DPP8: variants seen among roughly 807,000 people sequenced by gnomAD.
DPP8 encodes the protein DPP VIII.
DPP8 carries 31 observed loss-of-function variants against 107.5 expected under a neutral mutation model. The ratio of observed to expected loss-of-function variants is 0.29; its 90% CI spans 0.22 to 0.39. The LOEUF (loss-of-function observed/expected upper bound fraction) is 0.39. Among genes scored for constraint, DPP8 ranks in the 10% least tolerant of loss-of-function variants. The pLI is 1.00. For missense variants in DPP8, 842 were observed against 1,076.1 expected (o/e 0.78, Z 3.04); for synonymous variants, 381 against 356.6 (o/e 1.07, Z -0.77).
intron 5 of DPP8, among the ~76,000 whole-genome samples, chr15:65,495,524 A>C (rs2068494256): frequency 6.6e-6 from 1 of 152,084 alleles, no homozygotes; most frequent in Non-Finnish European, 1.5e-5. Flanking sequence ...GAATCACTTG[A>C]ACGCAGGAGG....
chr15:65,465,036 C>T (rs1015627927), intron 14 of DPP8, among the ~76,000 whole-genome samples: 7 of 152,118 alleles, frequency 4.6e-5, no homozygotes, highest in Non-Finnish European at 8.8e-5. Context: ...ATACAGACCT[C>T]TCCTAAGTGT....
chr15:65,452,248 A>G, intron 17 of DPP8, 146 bp from the exon 18 acceptor site: 1 of 852,210 alleles, frequency 1.2e-6, no homozygotes, highest in Non-Finnish European at 1.7e-6. Context: ...GGCAACTCAG[A>G]ATACGAAGTG....
Position 65,479,829 on chromosome 15 carries a change from C to T in DPP8, c.1296+393G>A, listed in dbSNP as rs188680358. 2.4e-4 allele frequency among the ~76,000 whole-genome samples: 28 copies of T among 117,512 alleles called. No individual in the cohort carries two copies. The East Asian group carries it at 2.8e-3, about 12-fold the overall frequency. The allele number at this position is 117,512 out of a possible 152,430, so 77.1% of individuals were successfully genotyped here. A position where few individuals can be genotyped will look rare whatever the true frequency, so the allele number is the denominator to read the frequency against. ...ACTGCAGTCCACAGTCTGGCCTGGG[C>T]GACAGAGCGAGACTCCGTCTCAAAA... On this transcript the variant is annotated intron_variant, in intron 10 of 19. Coordinates refer to ENST00000300141, the MANE Select transcript of DPP8 (RefSeq NM_130434.5).
intron 19 of DPP8, among the ~76,000 whole-genome samples, chr15:65,448,884 A>ATATGTATGTGTGTG (rs2063729856): frequency 4.6e-5 from 2 of 43,520 alleles, no homozygotes; most frequent in African/African-American, 2.6e-4. Context: ...ATATATATAT[A>ATATGTATGTGTGTG]TATATATATA....
rs542314824 is a variant in DPP8 at position 65,494,149 on chromosome 15, C to CTTTTTTTTTTTTTTTTTTTT, written c.715+3714_715+3715insAAAAAAAAAAAAAAAAAAAA. On this transcript the variant is annotated intron_variant, in intron 5 of 19. Coordinates refer to ENST00000300141, the MANE Select transcript of DPP8 (RefSeq NM_130434.5). ...TTGAAATTCAAACCGGTTCTATATC[C>CTTTTTTTTTTTTTTTTTTTT]TTTTTTTTTTTTTTAGAGACAGGGT... Among the ~76,000 whole-genome samples, 231 of 123,218 alleles carry CTTTTTTTTTTTTTTTTTTTT rather than the reference C, an allele frequency of 1.9e-3. 16 individuals carry two copies. Among genetic ancestry groups the CTTTTTTTTTTTTTTTTTTTT allele is most frequent in the African/African-American group, 7.3e-3 (215 of 29,392 alleles). 80.8% of individuals were successfully genotyped at this position (123,218 alleles called of 152,430 possible).
intron 5 of DPP8, among the ~76,000 whole-genome samples, chr15:65,493,612 A>T (rs74021112): frequency 4.5e-4 from 68 of 152,294 alleles, no homozygotes; most frequent in African/African-American, 1.6e-3. Context: ...CTCAGTTTTC[A>T]AAGTGTTTTG....
chr15:65,451,929 T>TA (rs377663509), intron 18 of DPP8, 31 bp downstream of exon 18: 101,483 of 1,425,364 alleles, frequency 0.071, 539 homozygotes, highest in African/African-American at 0.085. Flanking sequence ...TGTCTCAATT[T>TA]AAAAAAAAAA....
intron 17 of DPP8, among the ~76,000 whole-genome samples, chr15:65,453,476 T>A (rs1046346721): frequency 6.6e-6 from 1 of 151,822 alleles, no homozygotes; most frequent in South Asian, 2.1e-4. Context: ...TCTACACACA[T>A]AAAACTTGAA....
intron 11 of DPP8, among the ~76,000 whole-genome samples, chr15:65,475,011 G>C (rs1186012593): frequency 6.6e-6 from 1 of 152,066 alleles, no homozygotes; most frequent in South Asian, 2.1e-4. Context: ...ATTTCTTTTC[G>C]TTGTTTTTTT....
At chr15:65,501,003 T>C (rs1056228525) in intron 3 of DPP8, among the ~76,000 whole-genome samples, 2 of 151,012 alleles carry the variant, frequency 1.3e-5, no homozygotes, top group Non-Finnish European at 3.0e-5. Flanking sequence ...TCAGCCTTCC[T>C]AGTAGCTGGG....
In DPP8 at chr15:65,461,553, G is replaced by A. The variant is rs528599928; in HGVS notation, c.1971+2208C>T. On this transcript the variant is annotated intron_variant, in intron 15 of 19. Transcript: ENST00000300141. ...TTACCATCAAAATAATTTAACAAAT[G>A]TATAAAGCTTGAGAGTGTCCTATGA... Among the ~76,000 whole-genome samples, 74 of 151,736 alleles carry A rather than the reference G, an allele frequency of 4.9e-4. 1 individual carries two copies. The South Asian group carries it at 0.015, about 31-fold the overall frequency.
chr15:65,479,436 G>A (rs913238359), intron 10 of DPP8, among the ~76,000 whole-genome samples: 2 of 152,164 alleles, frequency 1.3e-5, no homozygotes, highest in Admixed American at 1.3e-4. Flanking sequence ...GAAAACAGGT[G>A]TTCATAGGTG....
intron 1 of DPP8, among the ~76,000 whole-genome samples, chr15:65,513,000 T>C (rs995330394): frequency 4.6e-5 from 7 of 152,202 alleles, no homozygotes; most frequent in Non-Finnish European, 8.8e-5. Flanking sequence ...TAAGTGTGGA[T>C]TTTTTTCAGC....
chr15:65,497,777 G>A (rs1356384422), intron 5 of DPP8, 87 bp downstream of exon 5: 19 of 1,030,940 alleles, frequency 1.8e-5, no homozygotes, highest in South Asian at 5.9e-5. Flanking sequence ...ATCACCCAAC[G>A]TGGTAATCTA....
In DPP8 at chr15:65,507,300, A is replaced by G; in HGVS notation, c.315T>C (p.Thr105=). 1 of 1,613,096 alleles carries G rather than the reference A, an allele frequency of 6.2e-7. No homozygotes were observed. Among genetic ancestry groups the G allele is most frequent in the African/African-American group, 1.3e-5 (1 of 75,004 alleles). Residue 105 remains threonine, a synonymous_variant, in exon 3 of 20, where the codon ACT becomes ACC. Coordinates refer to ENST00000300141, the MANE Select transcript of DPP8 (RefSeq NM_130434.5). ...GCATTAAGACTGCTGCTCTATTGAT[A>G]GTTTTGGGAATTTCAGAATAAAACA... ...NTLFYSEIPK[T]INRAAVLMLS...
chr15:65,512,062 C>G (rs1472031974), intron 2 of DPP8: 1 of 656,616 alleles, frequency 1.5e-6, no homozygotes. Context: ...CAATTTCTGG[C>G]ATCTTCGATT....
In DPP8 at chr15:65,445,575, G is replaced by C. The variant is rs2063469973; in HGVS notation, c.*1309C>G. On this transcript the variant is annotated 3_prime_UTR_variant, in exon 20 of 20. Transcript: ENST00000300141. ...AAAAAAAAAAAGAGAGCCATGGCTT[G>C]CCAGGGATTAGTTTATGGTAAAGAG... 6.5e-6 allele frequency: 1 copy of C among 153,426 alleles called. No homozygotes were observed. Among genetic ancestry groups the C allele is most frequent in the Non-Finnish European group, 1.5e-5 (1 of 67,986 alleles). The allele number at this position is 153,426 out of a possible 1,614,324, so 9.5% of individuals were successfully genotyped here.
intron 5 of DPP8, among the ~76,000 whole-genome samples, chr15:65,493,169 C>T (rs2068214326): frequency 6.6e-6 from 1 of 151,986 alleles, no homozygotes; most frequent in Admixed American, 6.6e-5. Flanking sequence ...CCGCAACCTC[C>T]ACTTCCTGGG....
chr15:65,462,400 G>C (rs2065003283), intron 15 of DPP8, among the ~76,000 whole-genome samples: 1 of 151,978 alleles, frequency 6.6e-6, no homozygotes, highest in African/African-American at 2.4e-5. Flanking sequence ...TGTACAATTT[G>C]GTATGTAGAT....
Sources: allele counts gnomAD v4.1 joint callset (sites outside exome capture counted in the v4.1 genomes callset), GRCh38; gene constraint gnomAD v4.1.1; transcripts MANE v1.5; gene names NCBI Gene and HGNC (gene_info 2026-07-23, HGNC 2026-07-21).